COBL: variants seen among roughly 807,000 people sequenced by gnomAD.
COBL encodes the protein cordon-bleu WH2 repeat protein.
In COBL, 51 loss-of-function variants were observed where a neutral mutation model predicts 98.8. The ratio of observed to expected loss-of-function variants is 0.52; its 90% CI spans 0.41 to 0.65. The LOEUF (loss-of-function observed/expected upper bound fraction) is 0.65. Among genes scored for constraint, COBL ranks in the 30% least tolerant of loss-of-function variants. The pLI is 0.00. For missense variants in COBL, 1,617 were observed against 1,617.5 expected, an observed-to-expected ratio of 1.00 and a Z score of 0.01; for synonymous variants, 634 against 651.7, an observed-to-expected ratio of 0.97 and a Z score of 0.41.
Position 51,316,659 on chromosome 7 carries a change from G to A in COBL, c.-26C>T. 2 of 1,192,426 alleles carry A rather than the reference G, an allele frequency of 1.7e-6. No homozygotes were observed. Among genetic ancestry groups the A allele is most frequent in the Non-Finnish European group, 2.1e-6 (2 of 962,250 alleles). 73.9% of individuals were successfully genotyped at this position (1,192,426 alleles called of 1,614,324 possible). Reference sequence around the variant, plus strand: ...GGTGCCGGGGGCCGGGACGCGGGCGGTGCTCCGGGCCCGCCGAGTCAGGCG... The same window carrying A: ...GGTGCCGGGGGCCGGGACGCGGGCGATGCTCCGGGCCCGCCGAGTCAGGCG... On this transcript the variant is annotated 5_prime_UTR_variant, in exon 1 of 13. Transcript: ENST00000265136.
At chr7:51,308,038 T>C (rs113931639) in intron 1 of COBL, among the ~76,000 whole-genome samples, 40 of 152,288 alleles carry the variant, frequency 2.6e-4, no homozygotes, top group Admixed American at 7.8e-4. Context: ...CTGGTAGCTA[T>C]AGACAACAAG....
chr7:51,234,149 T>G lies in COBL; in HGVS notation c.42-14205A>C, dbSNP rs77720561. Among the ~76,000 whole-genome samples the G allele has an allele frequency of 9.5e-3, 1,452 of 152,224 alleles. 16 individuals are homozygous for G. Among genetic ancestry groups the G allele is most frequent in the Middle Eastern group, 0.02 (6 of 294 alleles). On this transcript the variant is annotated intron_variant, in intron 1 of 12. Coordinates refer to ENST00000265136, the MANE Select transcript of COBL (RefSeq NM_015198.5). ...GAGCTAAGTGTTGGGTACCTTTAAT[T>G]CTCCGTTGAAAATATGACACTTGAT...
At chr7:51,235,196 T>C (rs1005232278) in intron 1 of COBL, among the ~76,000 whole-genome samples, 1 of 152,144 alleles carries the variant, frequency 6.6e-6, no homozygotes, top group African/African-American at 2.4e-5. Context: ...AAACACACCA[T>C]CTTCGTATGC....
At chr7:51,099,815 T>C (rs947852202) in intron 6 of COBL, among the ~76,000 whole-genome samples, 2 of 152,228 alleles carry the variant, frequency 1.3e-5, no homozygotes, top group Admixed American at 1.3e-4. Context: ...TTTGTGATAA[T>C]ATCACCAGAA....
rs1795870107 is a variant in COBL at position 51,242,367 on chromosome 7, T to G, written c.42-22423A>C. On this transcript the variant is annotated intron_variant, in intron 1 of 12. Coordinates refer to ENST00000265136, the MANE Select transcript of COBL (RefSeq NM_015198.5). ...TGCACTCCAACCCTGTGGAATGTAC[T>G]TTGATTTTTGATAAATCTCTGCTTT... 2.0e-5 allele frequency among the ~76,000 whole-genome samples: 3 copies of G among 152,248 alleles called. No homozygotes were observed. In the South Asian group the frequency reaches 6.2e-4, roughly 32 times the overall value.
At chr7:51,220,610 T>A (rs1266511265) in intron 1 of COBL, among the ~76,000 whole-genome samples, 2 of 152,186 alleles carry the variant, frequency 1.3e-5, no homozygotes, top group Non-Finnish European at 2.9e-5. Flanking sequence ...CGTGGGGTAT[T>A]TCTAAACACC....
At chr7:51,133,061 C>G (rs1244275373) in intron 6 of COBL, among the ~76,000 whole-genome samples, 1 of 152,170 alleles carries the variant, frequency 6.6e-6, no homozygotes, top group Non-Finnish European at 1.5e-5. Context: ...AACCCAAATG[C>G]AAGAGCAGCG....
At chr7:51,103,600 AT>A (rs1048657192) in intron 6 of COBL, among the ~76,000 whole-genome samples, 6 of 152,004 alleles carry the variant, frequency 3.9e-5, no homozygotes, top group Non-Finnish European at 7.4e-5. Flanking sequence ...TTTTTTTACC[AT>A]TTTACTTTAA....
intron 7 of COBL, among the ~76,000 whole-genome samples, chr7:51,059,692 C>T (rs565937846): frequency 9.9e-5 from 15 of 152,118 alleles, no homozygotes; most frequent in African/African-American, 1.4e-4. Context: ...TAAATGAGTC[C>T]GAGCCAGGCA....
At chr7:51,281,010 G>C in intron 1 of COBL, among the ~76,000 whole-genome samples, 1 of 151,990 alleles carries the variant, frequency 6.6e-6, no homozygotes, top group South Asian at 2.1e-4. Context: ...AAATAATAGA[G>C]GTTTACAAAA....
intron 1 of COBL, among the ~76,000 whole-genome samples, chr7:51,273,903 G>A (rs143336848): frequency 3.3e-5 from 5 of 152,148 alleles, no homozygotes; most frequent in East Asian, 1.9e-4. Flanking sequence ...CACAGTTCAC[G>A]TACCCAGTGC....
At chr7:51,162,516 T>A (rs192864459) in intron 5 of COBL, among the ~76,000 whole-genome samples, 3 of 152,336 alleles carry the variant, frequency 2.0e-5, no homozygotes, top group Admixed American at 2.0e-4. Flanking sequence ...ATTTTTTTAA[T>A]GCAAATCTAT....
Position 51,109,664 on chromosome 7 carries a change from CAAAA to C in COBL, c.958-24364_958-24361del. Among the ~76,000 whole-genome samples the C allele has an allele frequency of 2.0e-5, 3 of 152,252 alleles. No individual in the cohort carries two copies. In the South Asian group the frequency reaches 6.2e-4, roughly 32 times the overall value. On this transcript the variant is annotated intron_variant, in intron 6 of 12. Coordinates refer to ENST00000265136, the MANE Select transcript of COBL (RefSeq NM_015198.5). ...CAGGCTCGATCACTCATTTATTTCT[CAAAA>C]ATTTTACTAAAAAAACTGACTACAT...
At chr7:51,088,379 T>TTG (rs1353481530) in intron 6 of COBL, among the ~76,000 whole-genome samples, 1 of 149,810 alleles carries the variant, frequency 6.7e-6, no homozygotes, top group Admixed American at 6.7e-5. Flanking sequence ...GTAAGACTCA[T>TTG]GAATTTTTAA....
chr7:51,214,819 C>A (rs1009376324), intron 2 of COBL, among the ~76,000 whole-genome samples: 1 of 152,120 alleles, frequency 6.6e-6, no homozygotes, highest in East Asian at 1.9e-4. Context: ...CATTGCTTGC[C>A]TAGCACTGTT....
rs573695037 is a variant in COBL, at chr7:51,174,210, T to A, written c.783+9892A>T. ...GGGTTTGAATTCTGGTGTTTATGAA[T>A]TCCGGCATTTACCCGCACTATGCTC... On this transcript the variant is annotated intron_variant, in intron 5 of 12. Transcript: ENST00000265136. Among the ~76,000 whole-genome samples the A allele has an allele frequency of 5.3e-5, 8 of 152,318 alleles. No individual in the cohort carries two copies. The South Asian group carries it at 1.4e-3, about 28-fold the overall frequency.
chr7:51,221,868 A>C (rs1252808199), intron 1 of COBL, among the ~76,000 whole-genome samples: 1 of 152,232 alleles, frequency 6.6e-6, no homozygotes, highest in Non-Finnish European at 1.5e-5. Flanking sequence ...GGTTAATGTA[A>C]AGTTACGCAC....
rs1034253732 is a variant in COBL, at chr7:51,029,476, T to C, written c.1620A>G (p.Pro540=). The C allele has an allele frequency of 6.2e-7, 1 of 1,614,170 alleles. No homozygotes were observed. The highest frequency in any genetic ancestry group is 8.5e-7 in the Non-Finnish European group (1 of 1,180,020). Residue 540 remains proline (P), a synonymous_variant, in exon 10 of 13, where the codon CCA becomes CCG. Transcript: ENST00000265136. The stretch of plus-strand genomic sequence containing the variant: ...CTGAAACTTCCCCTATGAATGTTAC[T>C]GGGATTGCATCTGTGTCGCCGTGAG... The part of the protein sequence containing the change: ...MIPHGDTDAI[P]VTFIGEVSDD...
chr7:51,226,806 A>C (rs1021226363), intron 1 of COBL, among the ~76,000 whole-genome samples: 2 of 152,086 alleles, frequency 1.3e-5, no homozygotes, highest in Admixed American at 1.3e-4. Context: ...TCATTTTCTA[A>C]ACATGCCATG....
Sources: allele counts gnomAD v4.1 joint callset (sites outside exome capture counted in the v4.1 genomes callset), GRCh38; gene constraint gnomAD v4.1.1; transcripts MANE v1.5; gene names NCBI Gene and HGNC (gene_info 2026-07-23, HGNC 2026-07-21).